The following PCBP3 variants were observed in gnomAD, a reference collection of about 807,000 sequenced individuals.
The protein encoded by PCBP3 is poly(rC) binding protein 3.
Under a neutral mutation model 52.7 loss-of-function variants are expected in PCBP3, and 25 were observed. That is an observed-to-expected ratio of 0.47 (90% CI 0.35 to 0.66). The LOEUF is 0.66. PCBP3 is among the 30% of genes least tolerant of loss of function. PCBP3 has a pLI of 0.01. For missense variants in PCBP3, 391 were observed against 490.3 expected (o/e 0.80, Z 1.91); for synonymous variants, 162 against 183.0 (o/e 0.89, Z 0.93).
At chr21:45,726,261 A>G (rs2085035598) in intron 2 of PCBP3, among the ~76,000 whole-genome samples, 1 of 152,070 alleles carries the variant, frequency 6.6e-6, no homozygotes, top group African/African-American at 2.4e-5. Context: ...CCAGGTAGGC[A>G]GTGGATATGG....
chr21:45,691,449 T>C (rs1248553978), intron 2 of PCBP3, among the ~76,000 whole-genome samples: 1 of 79,466 alleles, frequency 1.3e-5, no homozygotes, highest in Non-Finnish European at 2.3e-5. Flanking sequence ...TATATATGTA[T>C]GTATGTATGT....
intron 2 of PCBP3, among the ~76,000 whole-genome samples, chr21:45,696,504 A>G (rs1047163897): frequency 3.3e-5 from 5 of 152,176 alleles, no homozygotes; most frequent in Admixed American, 6.5e-5. Flanking sequence ...AAAAAAGGCA[A>G]TCAACAGGCT....
chr21:45,753,494 C>T (rs896676027), intron 3 of PCBP3, among the ~76,000 whole-genome samples: 2 of 151,870 alleles, frequency 1.3e-5, no homozygotes, highest in African/African-American at 4.8e-5. Context: ...GTTTTATCCT[C>T]CCTGACAATC....
At chr21:45,781,953 G>A (rs1008656930) in intron 4 of PCBP3, among the ~76,000 whole-genome samples, 4 of 152,080 alleles carry the variant, frequency 2.6e-5, no homozygotes, top group Non-Finnish European at 5.9e-5. Context: ...TACGATTTTT[G>A]GTCTGGCTAT....
At chr21:45,699,060 C>G (rs760957956) in intron 2 of PCBP3, among the ~76,000 whole-genome samples, 10 of 152,232 alleles carry the variant, frequency 6.6e-5, no homozygotes, top group Non-Finnish European at 1.3e-4. Flanking sequence ...TTAACGTCAC[C>G]TGCCACATCC....
intron 2 of PCBP3, among the ~76,000 whole-genome samples, chr21:45,729,303 AT>A (rs1156421916): frequency 2.0e-5 from 3 of 152,136 alleles, no homozygotes; most frequent in African/African-American, 7.2e-5. Flanking sequence ...TTATCCATTC[AT>A]TTGCTGATGG....
chr21:45,725,120 G>A (rs577565172), intron 2 of PCBP3, among the ~76,000 whole-genome samples: 1 of 152,100 alleles, frequency 6.6e-6, no homozygotes, highest in Non-Finnish European at 1.5e-5. Context: ...TTTCCCCTGC[G>A]ATGCTAGGAT....
At chr21:45,664,320 AAAT>A (rs1336769807) in intron 1 of PCBP3, among the ~76,000 whole-genome samples, 1 of 145,408 alleles carries the variant, frequency 6.9e-6, no homozygotes, top group East Asian at 2.0e-4. Context: ...TGATGAAAGA[AAAT>A]AAACTATCAA....
chr21:45,927,823 C>T (rs563010799), intron 13 of PCBP3, among the ~76,000 whole-genome samples: 6 of 152,316 alleles, frequency 3.9e-5, no homozygotes, highest in East Asian at 3.9e-4. Flanking sequence ...GCCTTCCTGT[C>T]GCCACGGCCA....
At chr21:45,763,366 C>T (rs1486660183) in intron 4 of PCBP3, 1 of 152,342 alleles carries the variant, frequency 6.6e-6, no homozygotes, top group African/African-American at 2.4e-5. Flanking sequence ...GGTGCTGGCA[C>T]AGTCTCAGGA....
chr21:45,929,944 A>G lies in PCBP3; in HGVS notation c.745A>G (p.Met249Val), dbSNP rs2075960806. The change falls in exon 14 of 18, where the codon ATG becomes GTG. Residue 249 changes from methionine (M) to valine (V), a missense_variant. Met to Val is a conservative substitution (Grantham distance 21). Transcript: ENST00000681687. The stretch of plus-strand genomic sequence containing the variant: ...GTTGACCAAGCTCCACCAGTTGGCC[A>G]TGCAGCAAACCCCCTTTCCTCCCCT... ...DQLTKLHQLA[M>V]QQTPFPPLGQ... 1 of 1,613,898 alleles carries G rather than the reference A, an allele frequency of 6.2e-7. No homozygotes were observed. The highest frequency in any genetic ancestry group is 8.5e-7 in the Non-Finnish European group (1 of 1,179,928).
intron 1 of PCBP3, among the ~76,000 whole-genome samples, chr21:45,653,040 T>A (rs2079789279): frequency 6.6e-6 from 1 of 152,226 alleles, no homozygotes; most frequent in African/African-American, 2.4e-5. Context: ...GAAGAACGTT[T>A]AAACATTTCT....
intron 1 of PCBP3, among the ~76,000 whole-genome samples, chr21:45,648,207 G>A (rs2079446701): frequency 6.6e-6 from 1 of 152,226 alleles, no homozygotes; most frequent in African/African-American, 2.4e-5. Context: ...AAAACACTAA[G>A]TGTCTGGAAG....
In PCBP3 at chr21:45,736,553, G is replaced by T. The variant is rs900506156; in HGVS notation, c.-162+1124G>T. Among the ~76,000 whole-genome samples the T allele has an allele frequency of 6.6e-6, 1 of 152,058 alleles. No homozygotes were observed. The highest frequency in any genetic ancestry group is 2.4e-5 in the African/African-American group (1 of 41,400). On this transcript the variant is annotated intron_variant, in intron 3 of 17. Transcript: ENST00000681687. The surrounding 1 kb of genome is among the most constrained non-coding windows in gnomAD (Gnocchi z 4.6). ...GTTAGAGAGACGGCATGGGGAGTTGGCAGGGGGAGGCCCTCGGAGAGATGG... is the reference window on the plus strand; with the variant it reads ...GTTAGAGAGACGGCATGGGGAGTTGTCAGGGGGAGGCCCTCGGAGAGATGG...
intron 4 of PCBP3, among the ~76,000 whole-genome samples, chr21:45,815,951 G>GTGAGTGGTGAGTAGTGAGTGA (rs1176969904): frequency 8.8e-6 from 1 of 113,964 alleles, no homozygotes. Context: ...TGAGTGATGA[G>GTGAGTGGTGAGTAGTGAGTGA]TGAGTGGTGA....
At chr21:45,674,027 CT>C (rs547901565) in intron 2 of PCBP3, among the ~76,000 whole-genome samples, 6 of 152,162 alleles carry the variant, frequency 3.9e-5, no homozygotes, top group Admixed American at 1.3e-4. Context: ...GGGTGCTAGA[CT>C]GCTGGTTTGA....
At chr21:45,933,962 G>T (rs1569510698) in intron 15 of PCBP3, among the ~76,000 whole-genome samples, 1 of 152,246 alleles carries the variant, frequency 6.6e-6, no homozygotes, top group Non-Finnish European at 1.5e-5. Flanking sequence ...ACATGGAGTT[G>T]GGGGGCACAG....
At chr21:45,935,574 T>G (rs2076807360) in intron 16 of PCBP3, 1 of 571,364 alleles carries the variant, frequency 1.8e-6, no homozygotes, top group South Asian at 1.6e-5. Context: ...CAGATGAGAG[T>G]TGGGCTGAGA....
At chr21:45,836,003 C>G (rs550167327) in intron 4 of PCBP3, among the ~76,000 whole-genome samples, 1 of 152,118 alleles carries the variant, frequency 6.6e-6, no homozygotes, top group Non-Finnish European at 1.5e-5. Flanking sequence ...AGAATATGAG[C>G]AAGAAGTTTG....
Sources: allele counts gnomAD v4.1 joint callset (sites outside exome capture counted in the v4.1 genomes callset), GRCh38; gene constraint gnomAD v4.1.1; non-coding constraint Gnocchi (gnomAD v3.1); transcripts MANE v1.5; gene names NCBI Gene and HGNC (gene_info 2026-07-23, HGNC 2026-07-21).